Variants in SAMD12 observed in about 807,000 individuals in gnomAD.
SAMD12 encodes the protein sterile alpha motif domain-containing protein 12.
In SAMD12, 9 loss-of-function variants were observed where a neutral mutation model predicts 15.0. That is an observed-to-expected ratio of 0.60 (90% CI 0.36 to 1.05). The LOEUF (loss-of-function observed/expected upper bound fraction) is 1.05. Ranked by LOEUF, SAMD12 falls within the 50% of genes least tolerant of loss-of-function variation. The pLI, the probability that SAMD12 is intolerant of heterozygous loss-of-function variation, is 0.01. For missense variants in SAMD12, 230 were observed against 234.2 expected (o/e 0.98, Z 0.12); for synonymous variants, 86 against 90.1 (o/e 0.96, Z 0.25).
At chr8:118,319,680 G>C (rs904878907) in intron 4 of SAMD12, among the ~76,000 whole-genome samples, 1 of 152,168 alleles carries the variant, frequency 6.6e-6, no homozygotes, top group East Asian at 1.9e-4. Context: ...ATGCAGACGA[G>C]GAAGAGCTAT....
At chr8:118,245,455 G>A (rs975917780) in intron 4 of SAMD12, among the ~76,000 whole-genome samples, 5 of 152,072 alleles carry the variant, frequency 3.3e-5, no homozygotes, top group Non-Finnish European at 7.4e-5. Context: ...CACGTTACAC[G>A]GTTCATTTTA....
chr8:118,444,357 A>G (rs1822844076), intron 2 of SAMD12, among the ~76,000 whole-genome samples: 1 of 152,108 alleles, frequency 6.6e-6, no homozygotes, highest in African/African-American at 2.4e-5. Context: ...CTTAACCCCT[A>G]TGCATAGTGA....
the SAMD12 span, among the ~76,000 whole-genome samples, chr8:118,176,693 C>T: frequency 6.6e-6 from 1 of 152,082 alleles, no homozygotes; most frequent in Non-Finnish European, 1.5e-5. Context: ...AACTACCCAT[C>T]CTATTGGGTA....
intron 2 of SAMD12, among the ~76,000 whole-genome samples, chr8:118,557,180 C>T (rs189934035): frequency 6.6e-6 from 1 of 151,984 alleles, no homozygotes; most frequent in South Asian, 2.1e-4. Context: ...GGGGGCTTTT[C>T]CCCCCATGCT....
chr8:118,581,573 A>G lies in SAMD12; in HGVS notation c.14-680T>C, dbSNP rs1046338955. Among the ~76,000 whole-genome samples the G allele has an allele frequency of 5.9e-5, 9 of 152,326 alleles. No individual in the cohort carries two copies. In the East Asian group the frequency reaches 1.5e-3, roughly 26 times the overall value. ...AGCCCAGTGGCTTCCAGTTTTTTGC[A>G]TCTTACTCTCTCCATGCCCTGTAAC... is the stretch of plus-strand genomic sequence containing the variant. On this transcript the variant is annotated intron_variant, in intron 1 of 3. Coordinates refer to ENST00000314727, the MANE Select transcript of SAMD12 (RefSeq NM_207506.3).
intron 4 of SAMD12, among the ~76,000 whole-genome samples, chr8:118,337,057 T>C (rs891320836): frequency 2.6e-5 from 4 of 151,800 alleles, no homozygotes; most frequent in African/African-American, 9.7e-5. Context: ...ATATACCTAA[T>C]GTAAATGATG....
At chr8:118,417,816 G>A (rs1821780781) in intron 3 of SAMD12, among the ~76,000 whole-genome samples, 1 of 152,170 alleles carries the variant, frequency 6.6e-6, no homozygotes, top group South Asian at 2.1e-4. Context: ...ATGCCATCTT[G>A]TATAATAATC....
At chr8:118,159,143 G>A in the SAMD12 span, among the ~76,000 whole-genome samples, 129 of 152,156 alleles carry the variant, frequency 8.5e-4, no homozygotes, top group African/African-American at 3.0e-3. Flanking sequence ...AAGAACTGTG[G>A]CCCTTCAGGG....
the SAMD12 span, among the ~76,000 whole-genome samples, chr8:118,154,161 CAT>C: frequency 9.6e-5 from 12 of 124,964 alleles, no homozygotes; most frequent in African/African-American, 3.0e-4. Flanking sequence ...CACACACACA[CAT>C]ACACACACAT....
At chr8:118,147,742 G>A in the SAMD12 span, among the ~76,000 whole-genome samples, 7 of 150,966 alleles carry the variant, frequency 4.6e-5, no homozygotes, top group South Asian at 2.1e-4. Context: ...GTTAAACAAA[G>A]CATTGTTTTA....
At chr8:118,506,220 T>G (rs1170914682) in intron 2 of SAMD12, among the ~76,000 whole-genome samples, 3 of 152,252 alleles carry the variant, frequency 2.0e-5, no homozygotes. Flanking sequence ...TTATCTACTT[T>G]TGGTTATATC....
chr8:118,583,269 C>T lies in SAMD12; in HGVS notation c.14-2376G>A, dbSNP rs116057701. Among the ~76,000 whole-genome samples the T allele has an allele frequency of 2.7e-3, 407 of 152,298 alleles. 3 individuals carry two copies. Among genetic ancestry groups the T allele is most frequent in the African/African-American group, 9.6e-3 (399 of 41,564 alleles). ...ACTTTAGGCAGTGCTGGAAAGAGAA[C>T]TTAGTAGCCAAAGCCTCTGAGAGCT... On this transcript the variant is annotated intron_variant, in intron 1 of 3. Coordinates refer to ENST00000314727, the MANE Select transcript of SAMD12 (RefSeq NM_207506.3).
At chr8:118,361,197 A>G (rs556064176) in intron 4 of SAMD12, among the ~76,000 whole-genome samples, 28 of 152,344 alleles carry the variant, frequency 1.8e-4, no homozygotes, top group African/African-American at 6.3e-4. Context: ...TTGAGGACTT[A>G]ATGCAATTAA....
At chr8:118,381,406 C>A (rs887691252) in intron 3 of SAMD12, among the ~76,000 whole-genome samples, 1 of 152,158 alleles carries the variant, frequency 6.6e-6, no homozygotes, top group East Asian at 1.9e-4. Context: ...GACTAATGGG[C>A]CCCTAAAGAT....
intron 1 of SAMD12, among the ~76,000 whole-genome samples, chr8:118,598,479 G>C (rs1303508816): frequency 2.0e-5 from 3 of 152,218 alleles, no homozygotes; most frequent in Non-Finnish European, 2.9e-5. Flanking sequence ...CCAGCCTCCA[G>C]AAGTGTGAGA....
chr8:118,160,115 G>A, the SAMD12 span, among the ~76,000 whole-genome samples: 1 of 152,106 alleles, frequency 6.6e-6, no homozygotes, highest in African/African-American at 2.4e-5. Context: ...AATATTTCTA[G>A]GAATGTAAAA....
At chr8:118,216,780 G>T (rs752771183) in intron 4 of SAMD12, among the ~76,000 whole-genome samples, 51 of 152,240 alleles carry the variant, frequency 3.3e-4, no homozygotes, top group Middle Eastern at 3.4e-3. Flanking sequence ...AAAACAGTAA[G>T]TTTCAGCAAT....
At chr8:118,546,449 C>G (rs968928812) in intron 2 of SAMD12, among the ~76,000 whole-genome samples, 1 of 151,940 alleles carries the variant, frequency 6.6e-6, no homozygotes, top group Non-Finnish European at 1.5e-5. Flanking sequence ...AGGGGCCCAC[C>G]GGGAGGGGAG....
chr8:118,392,523 C>T (rs1055027426), intron 3 of SAMD12, among the ~76,000 whole-genome samples: 52 of 152,214 alleles, frequency 3.4e-4, no homozygotes, highest in Admixed American at 2.0e-4. Context: ...CACCCAAGAC[C>T]CTATGGGGAG....
Sources: gnomAD v4.1 joint callset for allele counts (sites outside exome capture counted in the v4.1 genomes callset) on GRCh38, gnomAD v4.1.1 for gene constraint, MANE v1.5 for transcripts, NCBI Gene and HGNC (gene_info 2026-07-23, HGNC 2026-07-21) for gene names.